The following GALNT2 variants were observed in gnomAD, a reference collection of about 807,000 sequenced individuals.
GALNT2 encodes the protein UDP-GalNAc:polypeptide N-acetylgalactosaminyltransferase 2.
In GALNT2, 31 loss-of-function variants were observed where a neutral mutation model predicts 81.4. The ratio of observed to expected loss-of-function variants is 0.38; its 90% CI spans 0.29 to 0.51. GALNT2 has a LOEUF of 0.51. Among genes scored for constraint, GALNT2 ranks in the 20% least tolerant of loss-of-function variants. The pLI is 0.87. For missense variants in GALNT2, 629 were observed against 765.7 expected (o/e 0.82, Z 2.11); for synonymous variants, 303 against 287.4 (o/e 1.05, Z -0.55).
At chr1:230,233,973 T>A (rs112680242) in intron 3 of GALNT2, among the ~76,000 whole-genome samples, 2,410 of 151,732 alleles carry the variant, frequency 0.016, 63 homozygotes, top group African/African-American at 0.055. Context: ...CTCGGGGAGG[T>A]GGCAACAAGT....
chr1:230,110,364 C>A (rs1422187785), intron 1 of GALNT2, among the ~76,000 whole-genome samples: 2 of 152,148 alleles, frequency 1.3e-5, no homozygotes, highest in African/African-American at 4.8e-5. Context: ...TTATTTGAGT[C>A]ACTGGAGCTG....
chr1:230,175,627 C>CTCCTCCTCCTCCCCCTCCCTCTCCCG (rs1662954281), intron 1 of GALNT2, among the ~76,000 whole-genome samples: 1 of 131,930 alleles, frequency 7.6e-6, no homozygotes, highest in Admixed American at 7.7e-5. Flanking sequence ...TCCCTCTCCC[C>CTCCTCCTCCTCCCCCTCCCTCTCCCG]TCCTCCTCCT....
At chr1:230,075,172 C>T (rs1398190282) in intron 1 of GALNT2, among the ~76,000 whole-genome samples, 1 of 134,926 alleles carries the variant, frequency 7.4e-6, no homozygotes, top group Non-Finnish European at 1.5e-5. Context: ...GTCGCCCAGG[C>T]TGGAGTGCAG....
intron 2 of GALNT2, among the ~76,000 whole-genome samples, chr1:230,201,972 T>G (rs1277563132): frequency 6.6e-6 from 1 of 152,254 alleles, no homozygotes; most frequent in East Asian, 1.9e-4. Flanking sequence ...CTGGAAATTG[T>G]ATGAGTTTCA....
At chr1:230,263,622 G>A (rs553299924) in intron 13 of GALNT2, 3 of 152,500 alleles carry the variant, frequency 2.0e-5, no homozygotes, top group South Asian at 2.1e-4. Context: ...AAGCGAATAC[G>A]AGCTCCCCAT....
intron 1 of GALNT2, among the ~76,000 whole-genome samples, chr1:230,069,774 A>G (rs1659318195): frequency 7.1e-6 from 1 of 139,884 alleles, no homozygotes; most frequent in Non-Finnish European, 1.5e-5. Flanking sequence ...ATGCACAGAA[A>G]GGCAGAATTT....
rs1212933220 is a variant in GALNT2, at chr1:230,265,095, C to G, written c.1314-146C>G. On this transcript the variant is annotated intron_variant, in intron 13 of 15. Coordinates refer to ENST00000366672, the MANE Select transcript of GALNT2 (RefSeq NM_004481.5). ...ATGCCGTGTCCCTGACACACACTAC[C>G]TGTGGTAGGAAGAGGCACGATGCCT... The G allele has an allele frequency of 3.2e-6, 3 of 949,694 alleles. No homozygotes were observed. In the Admixed American group the frequency reaches 6.1e-5, roughly 19 times the overall value. 58.8% of individuals were successfully genotyped at this position (949,694 alleles called of 1,614,324 possible).
intron 14 of GALNT2, among the ~76,000 whole-genome samples, chr1:230,266,267 A>G (rs1666034969): frequency 1.3e-5 from 2 of 152,188 alleles, no homozygotes; most frequent in African/African-American, 4.8e-5. Flanking sequence ...GGAGAGACAA[A>G]ATGAAGGCTT....
chr1:230,156,954 A>G lies in GALNT2; in HGVS notation c.127-21264A>G, dbSNP rs150063877. ...AGCTGATCAAGTGCAGTAAGAGGCA[A>G]GGTCAGACTGGGCTGTATTATGTTT... On this transcript the variant is annotated intron_variant, in intron 1 of 15. Coordinates refer to ENST00000366672, the MANE Select transcript of GALNT2 (RefSeq NM_004481.5). Among the ~76,000 whole-genome samples the G allele has an allele frequency of 1.9e-3, 282 of 152,364 alleles. 1 individual carries two copies. Among genetic ancestry groups the G allele is most frequent in the African/African-American group, 6.6e-3 (273 of 41,592 alleles).
At chr1:230,158,703 G>A (rs1662336874) in intron 1 of GALNT2, among the ~76,000 whole-genome samples, 1 of 152,240 alleles carries the variant, frequency 6.6e-6, no homozygotes, top group African/African-American at 2.4e-5. Flanking sequence ...AGTCAGGCTT[G>A]CAAATCAGCA....
chr1:230,249,208 A>G lies in GALNT2; in HGVS notation c.842A>G (p.Lys281Arg). 3.1e-6 allele frequency: 5 copies of G among 1,614,134 alleles called. No homozygotes were observed. Among genetic ancestry groups the G allele is most frequent in the South Asian group, 1.1e-5 (1 of 91,076 alleles). Residue 281 changes from lysine to arginine, a missense_variant, in exon 9 of 16, where the codon AAG becomes AGG. By Grantham distance (26) the Lys-to-Arg change is conservative (BLOSUM62 2). This residue lies in a region of GALNT2 where 360 missense variants were observed against 492.8 expected (regional missense o/e 0.73). Transcript: ENST00000366672. ...KGGFDWNLVF[K>R]WDYMTPEQRR... ...GGTTTTGATTGGAACTTGGTATTCA[A>G]GTGGGATTACATGACGCCTGAGCAG...
At position 230,201,146 on chromosome 1, in the gene GALNT2, C is replaced by T. The variant is rs560532973; in HGVS notation, c.221-1991C>T. On this transcript the variant is annotated intron_variant, in intron 2 of 15. Transcript: ENST00000366672. The stretch of plus-strand genomic sequence containing the variant: ...AAGTATTTTTAGGATGGTCTTTGCA[C>T]GGAAAACATGTTTCCAGTAACATGT... Among the ~76,000 whole-genome samples, 164 of 152,138 alleles carry T rather than the reference C, an allele frequency of 1.1e-3. 1 individual carries two copies. Among genetic ancestry groups the T allele is most frequent in the Middle Eastern group, 3.4e-3 (1 of 294 alleles).
chr1:230,081,507 T>G (rs1445139188), intron 1 of GALNT2, among the ~76,000 whole-genome samples: 1 of 152,248 alleles, frequency 6.6e-6, no homozygotes, highest in Non-Finnish European at 1.5e-5. Context: ...TTGAAAACTT[T>G]TCTGCAAGGT....
rs72647704 is a variant in GALNT2 at position 230,243,674 on chromosome 1, G to A, written c.729+247G>A. 6.6e-6 allele frequency among the ~76,000 whole-genome samples: 1 copy of A among 152,242 alleles called. No homozygotes were observed. Among genetic ancestry groups the A allele is most frequent in the Non-Finnish European group, 1.5e-5 (1 of 68,046 alleles). On this transcript the variant is annotated intron_variant, in intron 7 of 15. Coordinates refer to ENST00000366672, the MANE Select transcript of GALNT2 (RefSeq NM_004481.5). This position sits in a 1 kb window ranked among gnomAD's most constrained non-coding sequence, Gnocchi z 4.2. ...CATCCGTTGACAGGTAGGAGGCGAG[G>A]ATCAGCAGAGGCTGGTGAGAGCCTG... is the stretch of plus-strand genomic sequence containing the variant.
intron 1 of GALNT2, among the ~76,000 whole-genome samples, chr1:230,078,002 T>C (rs1659615129): frequency 6.6e-6 from 1 of 152,244 alleles, no homozygotes. Flanking sequence ...GAGCATGGGC[T>C]GGTAAGAATG....
chr1:230,127,437 G>A (rs1313072021), intron 1 of GALNT2, among the ~76,000 whole-genome samples: 5 of 151,986 alleles, frequency 3.3e-5, no homozygotes, highest in African/African-American at 1.2e-4. Flanking sequence ...GTGCAGTGGC[G>A]CAATCTTGCC....
intron 1 of GALNT2, among the ~76,000 whole-genome samples, chr1:230,125,460 T>G (rs1661144601): frequency 6.6e-6 from 1 of 152,214 alleles, no homozygotes; most frequent in African/African-American, 2.4e-5. Context: ...GCAGAGTGAA[T>G]AAGGAGAGAT....
chr1:230,136,647 G>C (rs968067499), intron 1 of GALNT2, among the ~76,000 whole-genome samples: 1 of 151,842 alleles, frequency 6.6e-6, no homozygotes, highest in Non-Finnish European at 1.5e-5. Context: ...CTTCAGGAGC[G>C]CTGGGTCTGA....
At chr1:230,098,844 C>T (rs1386496431) in intron 1 of GALNT2, among the ~76,000 whole-genome samples, 1 of 152,188 alleles carries the variant, frequency 6.6e-6, no homozygotes, top group Admixed American at 6.5e-5. Context: ...CCTCCACAAG[C>T]ACTGACTGTA....
Sources: gnomAD v4.1 joint callset for allele counts (sites outside exome capture counted in the v4.1 genomes callset) on GRCh38, gnomAD v4.1.1 for gene constraint, gnomAD v4.1.1 regional missense constraint, Gnocchi (gnomAD v3.1) non-coding constraint, MANE v1.5 for transcripts, NCBI Gene and HGNC (gene_info 2026-07-23, HGNC 2026-07-21) for gene names.